The following SLCO3A1 variants were observed in gnomAD, a reference collection of about 807,000 sequenced individuals.
SLCO3A1 encodes solute carrier organic anion transporter family member 3A1.
A neutral mutation model predicts 63.1 loss-of-function variants in SLCO3A1; 27 were observed. That is an observed-to-expected ratio of 0.43 (90% confidence interval 0.32 to 0.59). The LOEUF is 0.59. Among genes scored for constraint, SLCO3A1 ranks in the 20% least tolerant of loss-of-function variants. The pLI, the probability that SLCO3A1 is intolerant of heterozygous loss-of-function variation, is 0.09. For missense variants in SLCO3A1, 773 were observed against 945.8 expected (o/e 0.82, Z 2.40); for synonymous variants, 473 against 409.9 (o/e 1.15, Z -1.86).
chr15:92,103,802 C>A (rs1170193753), intron 3 of SLCO3A1, among the ~76,000 whole-genome samples: 1 of 151,872 alleles, frequency 6.6e-6, no homozygotes, highest in Non-Finnish European at 1.5e-5. Flanking sequence ...GCTCTAAAAC[C>A]CTATTGTGCG....
At chr15:91,988,510 G>A (rs2151441705) in intron 2 of SLCO3A1, among the ~76,000 whole-genome samples, 1 of 151,772 alleles carries the variant, frequency 6.6e-6, no homozygotes, top group African/African-American at 2.4e-5. Context: ...GATTACATGG[G>A]ATGGTTCAGC....
intron 3 of SLCO3A1, among the ~76,000 whole-genome samples, chr15:92,100,117 A>T (rs1403815317): frequency 6.6e-6 from 1 of 152,038 alleles, no homozygotes; most frequent in Non-Finnish European, 1.5e-5. Flanking sequence ...AGAAAAGGAG[A>T]AACACCTTCT....
intron 2 of SLCO3A1, among the ~76,000 whole-genome samples, chr15:92,012,459 A>G (rs1437800949): frequency 6.6e-6 from 1 of 152,196 alleles, no homozygotes; most frequent in African/African-American, 2.4e-5. Context: ...ATGACTCAGA[A>G]TAGCAGGCAC....
At chr15:92,076,618 C>T (rs1227403910) in intron 2 of SLCO3A1, among the ~76,000 whole-genome samples, 1 of 152,174 alleles carries the variant, frequency 6.6e-6, no homozygotes, top group Non-Finnish European at 1.5e-5. Context: ...TCTCATTCTG[C>T]TGAGCCTCAC....
At chr15:91,868,166 C>G (rs1897212377) in intron 1 of SLCO3A1, among the ~76,000 whole-genome samples, 1 of 152,038 alleles carries the variant, frequency 6.6e-6, no homozygotes, top group African/African-American at 2.4e-5. Flanking sequence ...GTTCTCCCGC[C>G]TCAGCCTCTC....
At chr15:92,136,048 G>C (rs1219152836) in intron 7 of SLCO3A1, among the ~76,000 whole-genome samples, 1 of 152,120 alleles carries the variant, frequency 6.6e-6, no homozygotes, top group African/African-American at 2.4e-5. Context: ...CTTGAGCCCA[G>C]GAGTTTGAGA....
chr15:92,108,771 C>G lies in SLCO3A1; in HGVS notation c.1009+4229C>G, dbSNP rs115942646. On this transcript the variant is annotated intron_variant, in intron 4 of 9. Coordinates refer to ENST00000318445, the MANE Select transcript of SLCO3A1 (RefSeq NM_013272.4). ...TGCTGCTATTTCTCCCTGGAATGCCCTTCTTCCTTCAGTTCACTTCTGGGC... is the reference window on the plus strand; with the variant it reads ...TGCTGCTATTTCTCCCTGGAATGCCGTTCTTCCTTCAGTTCACTTCTGGGC... 5.0e-3 allele frequency among the ~76,000 whole-genome samples: 765 copies of G among 152,206 alleles called. 5 individuals carry two copies. Among genetic ancestry groups the G allele is most frequent in the African/African-American group, 0.017 (715 of 41,526 alleles).
At chr15:92,014,796 G>A (rs1298458303) in intron 2 of SLCO3A1, among the ~76,000 whole-genome samples, 3 of 152,102 alleles carry the variant, frequency 2.0e-5, no homozygotes, top group African/African-American at 4.8e-5. Context: ...AGGTTTTCAG[G>A]TCCCAAGCAT....
intron 1 of SLCO3A1, among the ~76,000 whole-genome samples, chr15:91,861,942 G>C (rs1897057791): frequency 1.2e-5 from 1 of 86,046 alleles, no homozygotes; most frequent in Non-Finnish European, 2.1e-5. Context: ...GCCTTGCCAA[G>C]CCCTACTTTT....
chr15:92,044,343 C>G (rs1383366735), intron 2 of SLCO3A1, among the ~76,000 whole-genome samples: 1 of 152,176 alleles, frequency 6.6e-6, no homozygotes, highest in Non-Finnish European at 1.5e-5. Context: ...TATCTCTTAT[C>G]CTGTTCAGAC....
chr15:91,929,478 A>G (rs537126752), intron 2 of SLCO3A1, among the ~76,000 whole-genome samples: 4 of 151,890 alleles, frequency 2.6e-5, no homozygotes, highest in Admixed American at 6.6e-5. Context: ...AAGTTGGGAG[A>G]CTCAGCTCCT....
chr15:92,100,337 G>C (rs1254127278), intron 3 of SLCO3A1, among the ~76,000 whole-genome samples: 2 of 152,168 alleles, frequency 1.3e-5, no homozygotes, highest in Non-Finnish European at 2.9e-5. Flanking sequence ...TGAGGGAGTT[G>C]AGCCTATTTA....
At chr15:92,023,994 G>A (rs1036221996) in intron 2 of SLCO3A1, among the ~76,000 whole-genome samples, 1 of 152,152 alleles carries the variant, frequency 6.6e-6, no homozygotes, top group African/African-American at 2.4e-5. Context: ...GCCAAGTCCA[G>A]TGAATCTGTT....
At chr15:91,956,527 G>A (rs941021210) in intron 2 of SLCO3A1, among the ~76,000 whole-genome samples, 1 of 152,100 alleles carries the variant, frequency 6.6e-6, no homozygotes, top group African/African-American at 2.4e-5. Flanking sequence ...ATCTGGCAAT[G>A]GGAAATGGCC....
At chr15:91,857,029 C>CGTGTGTGTGTGTGTGTGT in intron 1 of SLCO3A1, among the ~76,000 whole-genome samples, 2 of 139,120 alleles carry the variant, frequency 1.4e-5, no homozygotes, top group East Asian at 4.3e-4. Flanking sequence ...AAGGAGGACT[C>CGTGTGTGTGTGTGTGTGT]GTGTGTGTGT....
At chr15:92,168,832 G>A (rs2048507047), downstream of SLCO3A1, among the ~76,000 whole-genome samples, 1 of 152,194 alleles carries the variant, frequency 6.6e-6, no homozygotes, top group Non-Finnish European at 1.5e-5. Context: ...GATTTGAACT[G>A]TATAGTCTAC....
intron 2 of SLCO3A1, among the ~76,000 whole-genome samples, chr15:91,996,403 CATTTTTTTTTGCCCAAAT>C (rs566059582): frequency 1.1e-3 from 161 of 152,026 alleles, no homozygotes; most frequent in African/African-American, 3.7e-3. Context: ...GTATCATAAA[CATTTTTTTTTGCCCAAAT>C]ATACCTGTAA....
intron 2 of SLCO3A1, among the ~76,000 whole-genome samples, chr15:92,081,942 G>A (rs998529935): frequency 6.6e-6 from 1 of 152,238 alleles, no homozygotes; most frequent in African/African-American, 2.4e-5. Context: ...GTCAACAGGT[G>A]CAGTAATGTG....
chr15:91,924,094 G>A (rs1898933445), intron 2 of SLCO3A1, among the ~76,000 whole-genome samples: 1 of 152,212 alleles, frequency 6.6e-6, no homozygotes, highest in Non-Finnish European at 1.5e-5. Flanking sequence ...ATGCAGACGG[G>A]CTTTGGGCCG....
Sources: allele counts gnomAD v4.1 joint callset (sites outside exome capture counted in the v4.1 genomes callset), GRCh38; gene constraint gnomAD v4.1.1; transcripts MANE v1.5; gene names NCBI Gene and HGNC (gene_info 2026-07-23, HGNC 2026-07-21).